The following SLC9D1 variants were observed in gnomAD, a reference collection of about 807,000 sequenced individuals.
SLC9D1 encodes solute carrier family 9 member D1.
chr13:113,499,302 T>A, the SLC9D1 span, among the ~76,000 whole-genome samples: 1 of 152,222 alleles, frequency 6.6e-6, no homozygotes, highest in African/African-American at 2.4e-5. Flanking sequence ...CAGCGGGGTC[T>A]TTGTGGCCTG....
At chr13:113,520,650 G>A in the SLC9D1 span, 1 of 1,613,978 alleles carries the variant, frequency 6.2e-7, no homozygotes, top group Non-Finnish European at 8.5e-7. Context: ...TCCTCGGCAT[G>A]CTGGTGACGC....
At chr13:113,548,265 CCA>C in the SLC9D1 span, 1 of 1,609,248 alleles carries the variant, frequency 6.2e-7, no homozygotes, top group Non-Finnish European at 8.5e-7. Context: ...CTGTGTGGGT[CCA>C]GTCTTCAGCA....
chr13:113,497,570 G>A, the SLC9D1 span, among the ~76,000 whole-genome samples: 200 of 150,214 alleles, frequency 1.3e-3, no homozygotes, highest in African/African-American at 2.1e-3. Flanking sequence ...TGTGAGACCT[G>A]CAGCTGTGTG....
At chr13:113,500,108 A>G in the SLC9D1 span, 3 of 1,574,588 alleles carry the variant, frequency 1.9e-6, no homozygotes, top group African/African-American at 2.7e-5. Context: ...GACCAAGCCC[A>G]GAGATTCAAC....
chr13:113,534,709 G>C, the SLC9D1 span: 1 of 158,506 alleles, frequency 6.3e-6, no homozygotes, highest in Admixed American at 6.4e-5. Context: ...AGGATGGCTT[G>C]AGCCCAGGAG....
the SLC9D1 span, among the ~76,000 whole-genome samples, chr13:113,516,377 C>T: frequency 1.3e-5 from 2 of 151,858 alleles, no homozygotes; most frequent in Non-Finnish European, 2.9e-5. Context: ...CCGTCCTGGC[C>T]AACATGGCAA....
chr13:113,518,490 C>A, the SLC9D1 span, among the ~76,000 whole-genome samples: 2 of 152,222 alleles, frequency 1.3e-5, no homozygotes, highest in Non-Finnish European at 2.9e-5. Flanking sequence ...GTAATATCAT[C>A]AAAGGCTATC....
At chr13:113,504,404 G>A in the SLC9D1 span, 1 of 152,090 alleles carries the variant, frequency 6.6e-6, no homozygotes. Flanking sequence ...AGGTTCTTTA[G>A]TGGTGATCTG....
At chr13:113,503,388 T>C in the SLC9D1 span, 1 of 674,090 alleles carries the variant, frequency 1.5e-6, no homozygotes, top group Non-Finnish European at 2.6e-6. Context: ...TGTGTGTATG[T>C]GTGTTTTGGA....
At chr13:113,503,392 T>TGTGTGTGTG in the SLC9D1 span, 1 of 706,750 alleles carries the variant, frequency 1.4e-6, no homozygotes, top group African/African-American at 1.8e-5. Context: ...TGTATGTGTG[T>TGTGTGTGTG]TTTGGATACT....
chr13:113,496,092 G>T, the SLC9D1 span: 8 of 1,082,444 alleles, frequency 7.4e-6, no homozygotes, highest in South Asian at 1.1e-4. Flanking sequence ...GAGGGAGAGT[G>T]CGTGCCCACA....
chr13:113,492,940 A>G, the SLC9D1 span, among the ~76,000 whole-genome samples: 3 of 152,342 alleles, frequency 2.0e-5, no homozygotes, highest in African/African-American at 4.8e-5. Flanking sequence ...CAGGAATCCA[A>G]AGTGTCTTTT....
chr13:113,498,363 C>T, the SLC9D1 span: 2 of 1,556,750 alleles, frequency 1.3e-6, no homozygotes, highest in African/African-American at 1.4e-5. Context: ...ATATATGGAA[C>T]TTCTGGCAGC....
At chr13:113,511,495 A>G in the SLC9D1 span, among the ~76,000 whole-genome samples, 2 of 152,186 alleles carry the variant, frequency 1.3e-5, no homozygotes, top group Non-Finnish European at 2.9e-5. Context: ...TGTCTGTGAA[A>G]GGAGGCAGGG....
the SLC9D1 span, chr13:113,534,907 C>T: frequency 6.6e-6 from 1 of 152,248 alleles, no homozygotes. Context: ...TGATGAAACC[C>T]CGTCTCTACT....
At chr13:113,536,662 G>A in the SLC9D1 span, 1 of 751,910 alleles carries the variant, frequency 1.3e-6, no homozygotes, top group Non-Finnish European at 1.6e-6. Context: ...CCCTCACCGT[G>A]CACCTGCTGC....
chr13:113,529,341 G>A, the SLC9D1 span: 1 of 150,964 alleles, frequency 6.6e-6, no homozygotes, highest in East Asian at 2.4e-4. Flanking sequence ...CAGCGCTTTG[G>A]GAGGCTGAGG....
chr13:113,498,126 G>A, the SLC9D1 span, among the ~76,000 whole-genome samples: 4 of 152,312 alleles, frequency 2.6e-5, no homozygotes, highest in South Asian at 8.3e-4. Flanking sequence ...TGTTTCTTAC[G>A]TGTGTTGATG....
the SLC9D1 span, among the ~76,000 whole-genome samples, chr13:113,503,047 G>T: frequency 6.6e-6 from 1 of 152,224 alleles, no homozygotes; most frequent in Non-Finnish European, 1.5e-5. Context: ...TTTGGAGTAG[G>T]TCTTTTTCAC....
Sources: gnomAD v4.1 joint callset for allele counts (sites outside exome capture counted in the v4.1 genomes callset) on GRCh38, gnomAD v4.1.1 for gene constraint, MANE v1.5 for transcripts, NCBI Gene and HGNC (gene_info 2026-07-23, HGNC 2026-07-21) for gene names.